TNIP3: variants seen among roughly 807,000 people sequenced by gnomAD.
TNIP3 encodes the protein TNFAIP3-interacting protein 3.
A neutral mutation model predicts 54.1 loss-of-function variants in TNIP3; 34 were observed. That is an observed-to-expected ratio of 0.63 (90% confidence interval 0.48 to 0.84). The LOEUF is 0.84. TNIP3 is among the 40% of genes least tolerant of loss of function. TNIP3 has a pLI of 0.00. For missense variants in TNIP3, 366 were observed against 387.6 expected (o/e 0.94, Z 0.47); for synonymous variants, 134 against 136.8 (o/e 0.98, Z 0.14).
chr4:121,159,623 A>G (rs1004008160), intron 2 of TNIP3, among the ~76,000 whole-genome samples: 5 of 152,394 alleles, frequency 3.3e-5, no homozygotes, highest in Middle Eastern at 3.4e-3. Flanking sequence ...GATTTATAAT[A>G]AATACTCAAC....
At chr4:121,209,197 C>G (rs1344485118) in intron 2 of TNIP3, among the ~76,000 whole-genome samples, 2 of 152,220 alleles carry the variant, frequency 1.3e-5, no homozygotes, top group Non-Finnish European at 2.9e-5. Context: ...TTCTTTTCAT[C>G]TGGCTGTTCC....
exon 1 of TNIP3, chr4:121,227,436 T>C (rs1345595655): frequency 1.3e-6 from 2 of 1,509,104 alleles, no homozygotes; most frequent in East Asian, 4.9e-5. Flanking sequence ...TATTACAAGG[T>C]CTAATACGGA....
chr4:121,216,559 A>G (rs767063230), intron 1 of TNIP3: 68 of 1,527,360 alleles, frequency 4.5e-5, no homozygotes, highest in Admixed American at 3.8e-4. Flanking sequence ...GAAGTTAACT[A>G]TGTCAGTCAC....
At chr4:121,150,470 AC>A (rs1362832409) in intron 5 of TNIP3, among the ~76,000 whole-genome samples, 8 of 151,702 alleles carry the variant, frequency 5.3e-5, no homozygotes, top group South Asian at 4.2e-4. Context: ...TTGATATTGG[AC>A]CCTCCTCCTC....
At chr4:121,162,682 C>A (rs1271802461) in intron 1 of TNIP3, among the ~76,000 whole-genome samples, 5 of 152,164 alleles carry the variant, frequency 3.3e-5, no homozygotes. Context: ...TGGTTCCCAC[C>A]ACAAGAGCAC....
chr4:121,205,617 G>C (rs1238504136), intron 2 of TNIP3, among the ~76,000 whole-genome samples: 2 of 152,094 alleles, frequency 1.3e-5, no homozygotes, highest in East Asian at 3.9e-4. Context: ...GGCTAGGGAT[G>C]CTAGTGGTTT....
chr4:121,173,872 C>A (rs192894082), intron 3 of TNIP3, among the ~76,000 whole-genome samples: 41 of 152,276 alleles, frequency 2.7e-4, no homozygotes, highest in African/African-American at 9.4e-4. Flanking sequence ...CACAAGTGAT[C>A]CACCTGCCTC....
At chr4:121,184,363 A>C (rs1171747293) in intron 2 of TNIP3, among the ~76,000 whole-genome samples, 1 of 152,248 alleles carries the variant, frequency 6.6e-6, no homozygotes, top group East Asian at 1.9e-4. Context: ...TCACAGGAGT[A>C]GGCTCTGACA....
chr4:121,147,177 A>G lies in TNIP3; in HGVS notation c.610-3T>C. The G allele has an allele frequency of 1.2e-6, 2 of 1,604,568 alleles. No individual in the cohort carries two copies. Among genetic ancestry groups the G allele is most frequent in the Non-Finnish European group, 1.7e-6 (2 of 1,176,992 alleles). On this transcript the variant is annotated splice_polypyrimidine_tract_variant and splice_region_variant and intron_variant, in intron 6 of 10. Coordinates refer to ENST00000057513, the MANE Select transcript of TNIP3 (RefSeq NM_024873.6). Reference sequence around the variant, plus strand: ...AAGTCTTCTTCGTATATTTGCACCTAAGAAATATTAGCTTGCTGTTACTGT... The same window carrying G: ...AAGTCTTCTTCGTATATTTGCACCTGAGAAATATTAGCTTGCTGTTACTGT...
At chr4:121,191,678 A>G (rs944902064) in intron 2 of TNIP3, among the ~76,000 whole-genome samples, 2 of 152,234 alleles carry the variant, frequency 1.3e-5, no homozygotes, top group Admixed American at 6.5e-5. Context: ...TGAGAAGACT[A>G]AATTTTGAGT....
At chr4:121,157,382 T>TC in intron 3 of TNIP3, 139 bp from the exon 4 acceptor site, 1 of 1,040,954 alleles carries the variant, frequency 9.6e-7, no homozygotes, top group Non-Finnish European at 1.4e-6. Context: ...GCTCCCACCG[T>TC]CCCGAACACA....
At chr4:121,179,036 G>T (rs1027085864) in intron 3 of TNIP3, among the ~76,000 whole-genome samples, 1 of 152,204 alleles carries the variant, frequency 6.6e-6, no homozygotes, top group East Asian at 1.9e-4. Flanking sequence ...GGGTGAAAAG[G>T]TTTCAAAACC....
chr4:121,157,718 A>G (rs1730201701), intron 3 of TNIP3, among the ~76,000 whole-genome samples: 1 of 152,214 alleles, frequency 6.6e-6, no homozygotes, highest in Non-Finnish European at 1.5e-5. Flanking sequence ...CTCTGATGAC[A>G]GAGTGACAGG....
At chr4:121,160,464 G>A (rs1392492012) in intron 2 of TNIP3, among the ~76,000 whole-genome samples, 1 of 143,890 alleles carries the variant, frequency 6.9e-6, no homozygotes, top group Non-Finnish European at 1.5e-5. Flanking sequence ...GGGTGACAGA[G>A]CAACACTGTC....
chr4:121,197,345 T>C (rs769638306), intron 2 of TNIP3, among the ~76,000 whole-genome samples: 1 of 151,916 alleles, frequency 6.6e-6, no homozygotes, highest in Non-Finnish European at 1.5e-5. Context: ...CTGGCCAACA[T>C]GGTGAAACAC....
intron 10 of TNIP3, chr4:121,137,875 T>G (rs1036847366): frequency 4.4e-6 from 2 of 451,436 alleles, no homozygotes; most frequent in Admixed American, 2.4e-5. Context: ...ACTTTAAACA[T>G]GTAGCAGACA....
intron 8 of TNIP3, 65 bp from the exon 9 acceptor site, chr4:121,141,979 C>T (rs1244046094): frequency 1.8e-6 from 2 of 1,139,802 alleles, no homozygotes; most frequent in African/African-American, 1.6e-5. Flanking sequence ...AGTGACATTG[C>T]TTTATACAAA....
At chr4:121,173,997 C>G (rs1236900619) in intron 3 of TNIP3, among the ~76,000 whole-genome samples, 1 of 152,100 alleles carries the variant, frequency 6.6e-6, no homozygotes, top group Non-Finnish European at 1.5e-5. Context: ...GTGCTAAGTA[C>G]TAGAATATGA....
rs565383122 is a variant in TNIP3, at chr4:121,179,564, G to A, written c.189+3112C>T. Among the ~76,000 whole-genome samples the A allele has an allele frequency of 2.6e-5, 4 of 152,286 alleles. No homozygotes were observed. In the South Asian group the frequency reaches 8.3e-4, roughly 32 times the overall value. ...TACTTTTAAGTTTTAACCACTTTTA[G>A]GTTTTCAGTACATTAGTAAGATCTA... On this transcript the variant is annotated intron_variant, in intron 3 of 12. Transcript: ENST00000507879.
Sources: allele counts gnomAD v4.1 joint callset (sites outside exome capture counted in the v4.1 genomes callset), GRCh38; gene constraint gnomAD v4.1.1; transcripts MANE v1.5; gene names NCBI Gene and HGNC (gene_info 2026-07-23, HGNC 2026-07-21).